CBX2: variants seen among roughly 807,000 people sequenced by gnomAD.
The protein encoded by CBX2 is chromobox 2.
CBX2 carries 11 observed loss-of-function variants against 21.0 expected under a neutral mutation model. The observed-to-expected ratio is 0.52, with a 90% CI of 0.33 to 0.87. CBX2 has a LOEUF of 0.87. Among genes scored for constraint, CBX2 ranks in the 40% least tolerant of loss-of-function variants. The pLI, the probability that CBX2 is intolerant of heterozygous loss-of-function variation, is 0.02. For synonymous variants in CBX2, 364 were observed against 304.6 expected (o/e 1.19, Z -2.03); for missense variants, 746 against 724.3 (o/e 1.03, Z -0.34).
chr17:79,782,870 C>T (rs1327284282), intron 4 of CBX2, among the ~76,000 whole-genome samples: 1 of 152,102 alleles, frequency 6.6e-6, no homozygotes, highest in Non-Finnish European at 1.5e-5. Context: ...GGCAGCATGG[C>T]GGCCTGTAAA....
At chr17:79,779,103 G>A (rs1906965158) in intron 2 of CBX2, among the ~76,000 whole-genome samples, 1 of 152,218 alleles carries the variant, frequency 6.6e-6, no homozygotes, top group African/African-American at 2.4e-5. Context: ...CAGAGACTGT[G>A]GGAGTCCTCT....
At chr17:79,782,132 G>T in intron 4 of CBX2, 1 of 1,613,042 alleles carries the variant, frequency 6.2e-7, no homozygotes, top group Non-Finnish European at 8.5e-7. Flanking sequence ...AAAGGAACAG[G>T]AAGCATGCGT....
At position 79,781,819 on chromosome 17, in the gene CBX2, G is replaced by T; in HGVS notation, c.288+18G>T. On this transcript the variant is annotated intron_variant, in intron 4 of 4. Transcript: ENST00000310942. ...AGCTCAAGGTGGGTGGCTGCGCTGGGTATGCTGACCCCACCTCCCAGCACC... is the reference window on the plus strand; with the variant it reads ...AGCTCAAGGTGGGTGGCTGCGCTGGTTATGCTGACCCCACCTCCCAGCACC... The T allele has an allele frequency of 1.2e-6, 2 of 1,613,938 alleles. No individual in the cohort carries two copies. The highest frequency in any genetic ancestry group is 4.5e-5 in the East Asian group (2 of 44,876).
Position 79,778,347 on chromosome 17 carries a change from G to GCCCGC in CBX2, c.73-37_73-36insCCCGC. Reference sequence around the variant, plus strand: ...CCGGGCCCCCCGCCCGCCGCCCGCTGTCCGTCTGGCTCACGGCCCCTCTTC... The same window carrying GCCCGC: ...CCGGGCCCCCCGCCCGCCGCCCGCTGCCCGCTCCGTCTGGCTCACGGCCCCTCTTC... On this transcript the variant is annotated intron_variant, in intron 1 of 4. Coordinates refer to ENST00000310942, the MANE Select transcript of CBX2 (RefSeq NM_005189.3). The surrounding 1 kb of genome is among the most constrained non-coding windows in gnomAD (Gnocchi z 4.8). 2 of 1,577,500 alleles carry GCCCGC rather than the reference G, an allele frequency of 1.3e-6. No homozygotes were observed. The highest frequency in any genetic ancestry group is 1.7e-6 in the Non-Finnish European group (2 of 1,166,890).
rs1292186741 is a variant in CBX2 at position 79,778,740 on chromosome 17, C to G, written c.116+313C>G. On this transcript the variant is annotated intron_variant, in intron 2 of 4. Transcript: ENST00000310942. The surrounding 1 kb of genome is among the most constrained non-coding windows in gnomAD (Gnocchi z 4.8). ...GGCGCGGGATGCAAGCCCCCCTCCT[C>G]TTGGCCAGATTCTCCCCGCTGTAAC... Among the ~76,000 whole-genome samples the G allele has an allele frequency of 6.6e-6, 1 of 152,106 alleles. No individual in the cohort carries two copies. Among genetic ancestry groups the G allele is most frequent in the Non-Finnish European group, 1.5e-5 (1 of 67,988 alleles).
In CBX2 at chr17:79,784,726, G is replaced by A; in HGVS notation, c.1283G>A (p.Arg428Lys). ...GCGCCACCCACCCCTGCCAGCAAGA[G>A]GGACTGTGTCAAGGGCAGTGCTACC... ...AVAPPTPASK[R>K]DCVKGSATPS... Residue 428 changes from arginine to lysine, a missense_variant, in exon 5 of 5, where the codon AGG becomes AAG. This residue lies in a region of CBX2 where 701 missense variants were observed against 650.7 expected (regional missense o/e 1.08). Transcript: ENST00000310942. The surrounding 1 kb of genome is among the most constrained non-coding windows in gnomAD (Gnocchi z 5.9). 6.2e-7 allele frequency: 1 copy of A among 1,611,628 alleles called. No individual in the cohort carries two copies. The highest frequency in any genetic ancestry group is 2.2e-5 in the East Asian group (1 of 44,802).
chr17:79,786,311 A>C lies in CBX2; in HGVS notation c.*1269A>C, dbSNP rs1907632604. The C allele has an allele frequency of 6.5e-6, 1 of 152,696 alleles. No homozygotes were observed. Among genetic ancestry groups the C allele is most frequent in the African/African-American group, 2.4e-5 (1 of 41,444 alleles). 9.5% of individuals were successfully genotyped at this position (152,696 alleles called of 1,614,324 possible). ...TCCTTGAGGAGTATCATTTTCCCTG[A>C]CAATCCCCATCACCTTTAGGGGTTC... On this transcript the variant is annotated 3_prime_UTR_variant, in exon 5 of 5. Transcript: ENST00000310942.
rs1555830313 is a variant in CBX2, at chr17:79,781,768, C to A, written c.255C>A (p.Ala85=). The change falls in exon 4 of 5, where the codon GCC becomes GCA. Residue 85 remains alanine, a synonymous_variant. Coordinates refer to ENST00000310942, the MANE Select transcript of CBX2 (RefSeq NM_005189.3). ...GAGGCCGGCCAAGGAAGCTCACTGC[C>A]ATGTCCTCCTGCAGCCGGCGCTCCA... ...RPRGRPRKLT[A]MSSCSRRSKL... The A allele has an allele frequency of 1.3e-5, 21 of 1,614,130 alleles. No homozygotes were observed. The highest frequency in any genetic ancestry group is 6.7e-5 in the African/African-American group (5 of 75,046).
In CBX2 at chr17:79,778,380, G is replaced by T. The variant is rs781789752; in HGVS notation, c.73-4G>T. 6.4e-5 allele frequency: 102 copies of T among 1,583,240 alleles called. No individual in the cohort carries two copies. Among genetic ancestry groups the T allele is most frequent in the Non-Finnish European group, 8.2e-5 (96 of 1,169,866 alleles). On this transcript the variant is annotated splice_polypyrimidine_tract_variant and splice_region_variant and intron_variant, in intron 1 of 4. Coordinates refer to ENST00000310942, the MANE Select transcript of CBX2 (RefSeq NM_005189.3). This position sits in a 1 kb window ranked among gnomAD's most constrained non-coding sequence, Gnocchi z 4.8. ...GGCTCACGGCCCCTCTTCTCTCCCC[G>T]CAGGGCAAGCTGGAGTACCTGGTCA...
chr17:79,784,596 A>C lies in CBX2; in HGVS notation c.1153A>C (p.Asn385His), dbSNP rs782377556. 7 of 1,612,594 alleles carry C rather than the reference A, an allele frequency of 4.3e-6. No individual in the cohort carries two copies. The South Asian group carries it at 7.7e-5, about 18-fold the overall frequency. Residue 385 changes from asparagine (N) to histidine (H), a missense_variant, in exon 5 of 5, where the codon AAC becomes CAC. Asn to His is a moderately conservative substitution (Grantham distance 68). Coordinates refer to ENST00000310942, the MANE Select transcript of CBX2 (RefSeq NM_005189.3). This position sits in a 1 kb window ranked among gnomAD's most constrained non-coding sequence, Gnocchi z 5.9. ...ATATKGVPAT[N>H]PAPGKGTGSG... is the part of the protein sequence containing the mutation. ...CGCCACCAAGGGTGTCCCGGCCACC[A>C]ACCCAGCCCCTGGGAAGGGCACTGG...
Position 79,778,215 on chromosome 17 carries a change from T to C in CBX2, c.-21T>C, listed in dbSNP as rs782717009. 44 of 1,325,722 alleles carry C rather than the reference T, an allele frequency of 3.3e-5. No homozygotes were observed. Among genetic ancestry groups the C allele is most frequent in the Admixed American group, 6.4e-5 (2 of 31,146 alleles). The allele number at this position is 1,325,722 out of a possible 1,614,324, so 82.1% of individuals were successfully genotyped here. On this transcript the variant is annotated 5_prime_UTR_variant, in exon 1 of 5. Transcript: ENST00000310942. This position sits in a 1 kb window ranked among gnomAD's most constrained non-coding sequence, Gnocchi z 4.8. ...GGGTGACTGGCGGCGGGCGCCGCGGTCGGGCTGGCTGCCGGGCAGCATGGA... is the reference window on the plus strand; with the variant it reads ...GGGTGACTGGCGGCGGGCGCCGCGGCCGGGCTGGCTGCCGGGCAGCATGGA...
intron 4 of CBX2, among the ~76,000 whole-genome samples, chr17:79,782,783 G>A (rs1319073670): frequency 3.9e-5 from 6 of 152,220 alleles, no homozygotes; most frequent in Non-Finnish European, 2.9e-5. Context: ...TCCTGTTGAA[G>A]TTGGGAGAAC....
Position 79,784,585 on chromosome 17 carries a change from TC to T in CBX2, c.1145del (p.Pro382ArgfsTer77). 6.2e-7 allele frequency: 1 copy of T among 1,612,372 alleles called. No homozygotes were observed. The highest frequency in any genetic ancestry group is 8.5e-7 in the Non-Finnish European group (1 of 1,179,860). On this transcript the variant is annotated frameshift_variant, in exon 5 of 5. Coordinates refer to ENST00000310942, the MANE Select transcript of CBX2 (RefSeq NM_005189.3). LOFTEE classifies it low-confidence loss of function (END_TRUNC). This position sits in a 1 kb window ranked among gnomAD's most constrained non-coding sequence, Gnocchi z 5.9. ...CGCCACGCCACCGCCACCAAGGGTG[TC>T]CCGGCCACCAACCCAGCCCCTGGGA... ...LARHATATKG[V>X]PATNPAPGKG...
At chr17:79,781,202 C>T (rs1257703151) in intron 3 of CBX2, among the ~76,000 whole-genome samples, 2 of 152,136 alleles carry the variant, frequency 1.3e-5, no homozygotes, top group Non-Finnish European at 2.9e-5. Flanking sequence ...GTGCCAGCAG[C>T]CAGGCTCTGC....
intron 4 of CBX2, chr17:79,782,322 A>C (rs953358792): frequency 4.7e-6 from 7 of 1,496,428 alleles, no homozygotes; most frequent in Admixed American, 2.1e-5. Flanking sequence ...GTGTGGGCTG[A>C]TGATGTGCTT....
intron 3 of CBX2, 94 bp from the exon 4 acceptor site, chr17:79,781,602 C>T: frequency 1.9e-6 from 2 of 1,078,196 alleles, no homozygotes; most frequent in Non-Finnish European, 1.4e-6. Flanking sequence ...TATTACAGGC[C>T]AACAGGAATA....
chr17:79,781,860 G>A, intron 4 of CBX2, 59 bp downstream of exon 4: 3 of 1,614,144 alleles, frequency 1.9e-6, no homozygotes, highest in Admixed American at 1.7e-5. Context: ...GGCGTAGGGG[G>A]CAGGCAGAGG....
upstream of CBX2, among the ~76,000 whole-genome samples, chr17:79,777,391 G>A (rs1159964368): frequency 6.6e-6 from 1 of 152,202 alleles, no homozygotes; most frequent in Non-Finnish European, 1.5e-5. Flanking sequence ...AAAAGGTGCA[G>A]CTGGTTTTCT....
chr17:79,780,263 G>A (rs1318403870), intron 3 of CBX2, among the ~76,000 whole-genome samples: 6 of 152,238 alleles, frequency 3.9e-5, no homozygotes, highest in Non-Finnish European at 8.8e-5. Flanking sequence ...CCCAGCCAGG[G>A]TCAATCTGGA....
Sources: allele counts gnomAD v4.1 joint callset (sites outside exome capture counted in the v4.1 genomes callset), GRCh38; gene constraint gnomAD v4.1.1; regional missense constraint gnomAD v4.1.1; non-coding constraint Gnocchi (gnomAD v3.1); transcripts MANE v1.5; gene names NCBI Gene and HGNC (gene_info 2026-07-23, HGNC 2026-07-21).